Variants in NBEA observed in about 807,000 individuals in gnomAD.
NBEA encodes neurobeachin.
A neutral mutation model predicts 343.4 loss-of-function variants in NBEA; 44 were observed. That is an observed-to-expected ratio of 0.13 (90% confidence interval 0.10 to 0.16). NBEA has a LOEUF of 0.16. Among genes scored for constraint, NBEA ranks in the 10% least tolerant of loss-of-function variants. NBEA has a pLI of 1.00. For missense variants in NBEA, 2,555 were observed against 3,631.3 expected (o/e 0.70, Z 7.62); for synonymous variants, 1,175 against 1,238.7 (o/e 0.95, Z 1.08).
intron 48 of NBEA, among the ~76,000 whole-genome samples, chr13:35,620,257 A>T (rs1466148824): frequency 6.6e-6 from 1 of 152,086 alleles, no homozygotes; most frequent in Non-Finnish European, 1.5e-5. Flanking sequence ...GACCGGTGGT[A>T]GAAAATACCA....
At chr13:35,029,976 C>A (rs1237779144) in intron 1 of NBEA, among the ~76,000 whole-genome samples, 4 of 151,476 alleles carry the variant, frequency 2.6e-5, no homozygotes, top group Admixed American at 2.6e-4. Context: ...TTTTGAAGGC[C>A]TGGAGGAAAA....
chr13:35,566,361 AAAAT>A (rs145844674), intron 44 of NBEA, among the ~76,000 whole-genome samples: 49,279 of 151,274 alleles, frequency 0.33, 8,206 homozygotes, highest in South Asian at 0.38. Flanking sequence ...ACACCATCTC[AAAAT>A]AAATAAATAA....
chr13:35,044,894 G>T, intron 2 of NBEA, 53 bp from the exon 3 acceptor site: 3 of 1,398,770 alleles, frequency 2.1e-6, no homozygotes, highest in South Asian at 1.2e-5. Flanking sequence ...ATATTACCTT[G>T]ACAGATGGCA....
At chr13:35,583,439 G>A (rs2081148412) in intron 45 of NBEA, among the ~76,000 whole-genome samples, 1 of 152,158 alleles carries the variant, frequency 6.6e-6, no homozygotes, top group Non-Finnish European at 1.5e-5. Flanking sequence ...GCTTCCATAT[G>A]GAGGGTTGTC....
intron 18 of NBEA, among the ~76,000 whole-genome samples, chr13:35,152,979 T>C (rs1291094146): frequency 6.6e-6 from 1 of 151,874 alleles, no homozygotes; most frequent in African/African-American, 2.4e-5. Context: ...TCTACATTCA[T>C]CTCTTTTTAT....
chr13:35,038,144 A>G (rs1367658024), intron 1 of NBEA, among the ~76,000 whole-genome samples: 6 of 151,860 alleles, frequency 4.0e-5, no homozygotes, highest in African/African-American at 1.5e-4. Context: ...CCCCTTAGCC[A>G]CTGCCACTCC....
At chr13:34,976,742 C>A (rs1326539795) in intron 1 of NBEA, among the ~76,000 whole-genome samples, 1 of 148,930 alleles carries the variant, frequency 6.7e-6, no homozygotes, top group African/African-American at 2.5e-5. Flanking sequence ...TAAGGTGAGG[C>A]CTAAGCATGG....
At chr13:35,091,300 C>G (rs893106292) in intron 10 of NBEA, among the ~76,000 whole-genome samples, 1 of 151,858 alleles carries the variant, frequency 6.6e-6, no homozygotes, top group Non-Finnish European at 1.5e-5. Context: ...GACAGAAGAA[C>G]TGAAAAGAAG....
intron 43 of NBEA, among the ~76,000 whole-genome samples, chr13:35,552,110 T>G (rs1042656264): frequency 6.6e-5 from 10 of 152,224 alleles, no homozygotes; most frequent in African/African-American, 2.4e-4. Context: ...CAACAATGTC[T>G]ACCACATAGA....
chr13:35,403,285 T>C lies in NBEA; in HGVS notation c.6180-28984T>C, dbSNP rs150715960. Among the ~76,000 whole-genome samples the C allele has an allele frequency of 3.7e-3, 557 of 152,200 alleles. 7 individuals are homozygous for C. The highest frequency in any genetic ancestry group is 0.013 in the African/African-American group (525 of 41,566). ...AACAAATATTAATAATAGCTGCCTA[T>C]TATTTGCAAACACTATTATAAGTAC... On this transcript the variant is annotated intron_variant, in intron 38 of 58. Coordinates refer to ENST00000379939, the MANE Select transcript of NBEA (RefSeq NM_001385012.1).
intron 33 of NBEA, among the ~76,000 whole-genome samples, chr13:35,223,438 G>A (rs2074485127): frequency 6.6e-6 from 1 of 151,908 alleles, no homozygotes; most frequent in Admixed American, 6.6e-5. Context: ...ATTTTAAAAT[G>A]GCTTTGAAAG....
intron 39 of NBEA, among the ~76,000 whole-genome samples, chr13:35,437,720 G>A (rs2045517303): frequency 6.6e-6 from 1 of 152,112 alleles, no homozygotes; most frequent in African/African-American, 2.4e-5. Flanking sequence ...CAATGGAACA[G>A]TATAAGGAAA....
intron 48 of NBEA, among the ~76,000 whole-genome samples, chr13:35,620,835 G>A (rs2082954591): frequency 6.6e-6 from 1 of 152,084 alleles, no homozygotes; most frequent in South Asian, 2.1e-4. Flanking sequence ...TCCTACCAGT[G>A]GCCATTTTCC....
rs148285980 is a variant in NBEA at position 35,639,313 on chromosome 13, T to C, written c.7618-6556T>C. Among the ~76,000 whole-genome samples, 822 of 152,296 alleles carry C rather than the reference T, an allele frequency of 5.4e-3. 1 individual carries two copies. Among genetic ancestry groups the C allele is most frequent in the Non-Finnish European group, 8.3e-3 (564 of 68,018 alleles). Reference sequence around the variant, plus strand: ...ATATTATTTGCTTGATTTATTTTGCTCCTGTTTTTCCAGCATTAAAAAGTA... The same window carrying C: ...ATATTATTTGCTTGATTTATTTTGCCCCTGTTTTTCCAGCATTAAAAAGTA... On this transcript the variant is annotated intron_variant, in intron 49 of 58. Transcript: ENST00000379939.
rs147936933 is a variant in NBEA at position 35,509,135 on chromosome 13, C to T, written c.6585+36599C>T. Among the ~76,000 whole-genome samples the T allele has an allele frequency of 2.5e-3, 377 of 152,322 alleles. 1 individual carries two copies. Among genetic ancestry groups the T allele is most frequent in the African/African-American group, 8.0e-3 (334 of 41,560 alleles). Reference sequence around the variant, plus strand: ...TGACCTGTGTCTGGCGTATGCCTGCCTGACCGTGGCTATGGTTCTGCAAAC... The same window carrying T: ...TGACCTGTGTCTGGCGTATGCCTGCTTGACCGTGGCTATGGTTCTGCAAAC... On this transcript the variant is annotated intron_variant, in intron 41 of 58. Transcript: ENST00000379939.
chr13:35,522,964 C>A (rs2077789973), intron 41 of NBEA, among the ~76,000 whole-genome samples: 1 of 151,154 alleles, frequency 6.6e-6, no homozygotes. Context: ...ATAAAAAGAA[C>A]AGATGTGAGA....
intron 27 of NBEA, among the ~76,000 whole-genome samples, chr13:35,174,866 C>T (rs1221001173): frequency 6.6e-6 from 1 of 150,988 alleles, no homozygotes; most frequent in Admixed American, 6.6e-5. Context: ...GATCTCGGCT[C>T]ACTGCAACCT....
intron 46 of NBEA, among the ~76,000 whole-genome samples, chr13:35,585,213 A>G (rs1215578661): frequency 6.7e-6 from 1 of 148,496 alleles, no homozygotes; most frequent in East Asian, 2.0e-4. Flanking sequence ...GATTCCTGAA[A>G]GCACAACCTC....
At chr13:35,115,672 A>G (rs1414525763) in intron 13 of NBEA, among the ~76,000 whole-genome samples, 2 of 152,202 alleles carry the variant, frequency 1.3e-5, no homozygotes, top group African/African-American at 4.8e-5. Flanking sequence ...AAATGGATTT[A>G]TATCATGCAC....
Sources: allele counts gnomAD v4.1 joint callset (sites outside exome capture counted in the v4.1 genomes callset), GRCh38; gene constraint gnomAD v4.1.1; transcripts MANE v1.5; gene names NCBI Gene and HGNC (gene_info 2026-07-23, HGNC 2026-07-21).